The following DSCAM variants were observed in gnomAD, a reference collection of about 807,000 sequenced individuals.
The protein encoded by DSCAM is cell adhesion molecule DSCAM.
A neutral mutation model predicts 217.7 loss-of-function variants in DSCAM; 47 were observed. The observed-to-expected ratio is 0.22, with a 90% CI of 0.17 to 0.28. The LOEUF is 0.28. DSCAM is among the 10% of genes least tolerant of loss of function. DSCAM has a pLI of 1.00. For synonymous variants in DSCAM, 1,056 were observed against 1,015.3 expected, an observed-to-expected ratio of 1.04 and a Z score of -0.76; for missense variants, 2,080 against 2,618.3, an observed-to-expected ratio of 0.79 and a Z score of 4.49.
chr21:40,763,441 G>C (rs2091356550), intron 1 of DSCAM, among the ~76,000 whole-genome samples: 1 of 152,230 alleles, frequency 6.6e-6, no homozygotes, highest in Admixed American at 6.5e-5. Context: ...AAAGAAAAAA[G>C]AGGGGACACA....
intron 9 of DSCAM, among the ~76,000 whole-genome samples, chr21:40,299,144 C>A (rs535106725): frequency 1.3e-5 from 2 of 152,108 alleles, no homozygotes; most frequent in Non-Finnish European, 2.9e-5. Flanking sequence ...AGTAAGTGAG[C>A]TTCTTAATTT....
At chr21:40,434,423 A>G (rs2075564837) in intron 3 of DSCAM, among the ~76,000 whole-genome samples, 1 of 152,196 alleles carries the variant, frequency 6.6e-6, no homozygotes, top group Non-Finnish European at 1.5e-5. Context: ...GATTATTTGA[A>G]TTTAGGCTTA....
In DSCAM at chr21:40,335,389, T is replaced by C. The variant is rs534394774; in HGVS notation, c.1783+2712A>G. ...GAATTATTTCCTAAAATCATAAATA[T>C]ATTGTTTATAAGAGACAATAAATTA... On this transcript the variant is annotated intron_variant, in intron 8 of 32. Coordinates refer to ENST00000400454, the MANE Select transcript of DSCAM (RefSeq NM_001389.5). 1.8e-3 allele frequency among the ~76,000 whole-genome samples: 270 copies of C among 152,296 alleles called. 1 individual carries two copies. The highest frequency in any genetic ancestry group is 4.6e-3 in the South Asian group (22 of 4,830).
chr21:40,815,585 G>T (rs1195516655), intron 1 of DSCAM, among the ~76,000 whole-genome samples: 1 of 152,220 alleles, frequency 6.6e-6, no homozygotes, highest in Non-Finnish European at 1.5e-5. Context: ...GAAATGCTGA[G>T]AAAGTGATAA....
intron 11 of DSCAM, among the ~76,000 whole-genome samples, chr21:40,240,348 G>GTTT (rs2073133020): frequency 2.3e-5 from 1 of 43,852 alleles, no homozygotes; most frequent in African/African-American, 1.6e-4. Flanking sequence ...CTTCCTCACT[G>GTTT]GTTTTTTTTT....
chr21:40,474,844 T>G (rs1457648466), intron 3 of DSCAM, among the ~76,000 whole-genome samples: 2 of 152,176 alleles, frequency 1.3e-5, no homozygotes, highest in African/African-American at 4.8e-5. Flanking sequence ...CCGTGTCCTC[T>G]GAGGGTTCCC....
rs368384332 is a variant in DSCAM at position 40,163,757 on chromosome 21, T to C, written c.3018+3461A>G. Among the ~76,000 whole-genome samples, 34 of 152,130 alleles carry C rather than the reference T, an allele frequency of 2.2e-4. 1 individual carries two copies. The highest frequency in any genetic ancestry group is 2.2e-3 in the Admixed American group (34 of 15,276). On this transcript the variant is annotated intron_variant, in intron 16 of 32. Transcript: ENST00000400454. ...TAGTAGAAACTCATATGAAAAGTGG[T>C]TGGTCGCCTGGTGTACTGAGTGTGG...
chr21:40,045,082 A>C (rs2088822606), intron 30 of DSCAM, among the ~76,000 whole-genome samples: 2 of 152,216 alleles, frequency 1.3e-5, no homozygotes, highest in African/African-American at 4.8e-5. Flanking sequence ...GGGCCATGGG[A>C]TGATGCAGGT....
chr21:40,596,317 A>G (rs2077021070), intron 3 of DSCAM, among the ~76,000 whole-genome samples: 1 of 152,184 alleles, frequency 6.6e-6, no homozygotes. Flanking sequence ...CTTCCCCTAC[A>G]TGACACCTTT....
chr21:40,596,364 A>G lies in DSCAM; in HGVS notation c.508+96446T>C, dbSNP rs535545417. Among the ~76,000 whole-genome samples the G allele has an allele frequency of 3.3e-5, 5 of 152,340 alleles. No homozygotes were observed. In the East Asian group the frequency reaches 9.6e-4, roughly 29 times the overall value. The stretch of plus-strand genomic sequence containing the variant: ...CTAATTTTAAAGCATATTAGAGCCC[A>G]TATTCTGATATTCATTGACGGGTGG... On this transcript the variant is annotated intron_variant, in intron 3 of 32. Coordinates refer to ENST00000400454, the MANE Select transcript of DSCAM (RefSeq NM_001389.5).
intron 3 of DSCAM, among the ~76,000 whole-genome samples, chr21:40,652,332 AAACAAC>A (rs200492689): frequency 6.9e-4 from 78 of 112,730 alleles, no homozygotes; most frequent in African/African-American, 2.6e-3. Flanking sequence ...GGAAATTTGA[AAACAAC>A]AACAACAACA....
chr21:40,599,311 T>A (rs1601777517), intron 3 of DSCAM, among the ~76,000 whole-genome samples: 1 of 152,172 alleles, frequency 6.6e-6, no homozygotes, highest in African/African-American at 2.4e-5. Context: ...CCTATCAACC[T>A]GTCATCTAGG....
intron 3 of DSCAM, among the ~76,000 whole-genome samples, chr21:40,461,699 C>T (rs998195557): frequency 6.6e-6 from 1 of 152,154 alleles, no homozygotes; most frequent in African/African-American, 2.4e-5. Flanking sequence ...GGAGATTAGC[C>T]TGGATTATCC....
intron 1 of DSCAM, among the ~76,000 whole-genome samples, chr21:40,772,523 T>C (rs1007155853): frequency 1.3e-5 from 2 of 152,208 alleles, no homozygotes; most frequent in African/African-American, 4.8e-5. Context: ...ATGTCAGACC[T>C]GTGTCCTATA....
intron 3 of DSCAM, among the ~76,000 whole-genome samples, chr21:40,498,426 T>C (rs1204326008): frequency 1.3e-5 from 2 of 151,726 alleles, no homozygotes; most frequent in East Asian, 1.9e-4. Flanking sequence ...CCCTTTCTGC[T>C]GTAGATGGGT....
intron 11 of DSCAM, among the ~76,000 whole-genome samples, chr21:40,216,537 A>T (rs1457258139): frequency 6.6e-6 from 1 of 152,214 alleles, no homozygotes; most frequent in Non-Finnish European, 1.5e-5. Flanking sequence ...GCTTATCTAC[A>T]TGGATATCTA....
At position 40,318,019 on chromosome 21, in the gene DSCAM, G is replaced by A. The variant is rs566759475; in HGVS notation, c.1784-5660C>T. On this transcript the variant is annotated intron_variant, in intron 8 of 32. Coordinates refer to ENST00000400454, the MANE Select transcript of DSCAM (RefSeq NM_001389.5). ...GGACATGAACTCATCATTTTTTATG[G>A]CTGTATAGTATTCCATGGTGTATAT... Among the ~76,000 whole-genome samples, 10 of 151,982 alleles carry A rather than the reference G, an allele frequency of 6.6e-5. No individual in the cohort carries two copies. The East Asian group carries it at 1.9e-3, about 29-fold the overall frequency.
At chr21:40,098,932 C>T (rs1458746725) in intron 20 of DSCAM, among the ~76,000 whole-genome samples, 3 of 152,140 alleles carry the variant, frequency 2.0e-5, no homozygotes, top group African/African-American at 7.2e-5. Flanking sequence ...AAATTAGTCC[C>T]TCTAGAAGTT....
At chr21:40,221,781 G>A (rs1397021570) in intron 11 of DSCAM, among the ~76,000 whole-genome samples, 2 of 152,114 alleles carry the variant, frequency 1.3e-5, no homozygotes, top group Admixed American at 6.6e-5. Flanking sequence ...AAAAACAAAC[G>A]TGGCAGCTTC....
Sources: allele counts gnomAD v4.1 joint callset (sites outside exome capture counted in the v4.1 genomes callset), GRCh38; gene constraint gnomAD v4.1.1; transcripts MANE v1.5; gene names NCBI Gene and HGNC (gene_info 2026-07-23, HGNC 2026-07-21).